Variants in GABRG3 observed in about 807,000 individuals in gnomAD.
GABRG3 encodes the protein gamma-aminobutyric acid receptor subunit gamma-3.
In GABRG3, 25 loss-of-function variants were observed where a neutral mutation model predicts 48.8. The ratio of observed to expected loss-of-function variants is 0.51; its 90% confidence interval spans 0.37 to 0.72. The LOEUF (loss-of-function observed/expected upper bound fraction) is 0.72, where lower values mean the gene tolerates loss of function less well. Ranked by LOEUF, GABRG3 falls within the 30% of genes least tolerant of loss-of-function variation. The probability of loss-of-function intolerance (pLI) is 0.00; values close to 1 mark genes in which losing one functional copy is unlikely to be tolerated. For synonymous variants in GABRG3, 227 were observed against 217.6 expected (o/e 1.04, Z -0.38); for missense variants, 394 against 577.9 (o/e 0.68, Z 3.26).
chr15:27,467,681 A>C (rs986077528), intron 5 of GABRG3, among the ~76,000 whole-genome samples: 5 of 152,200 alleles, frequency 3.3e-5, no homozygotes, highest in Non-Finnish European at 4.4e-5. Context: ...AGTGCAATGA[A>C]ACCTCATGTG....
chr15:27,227,506 T>TA lies in GABRG3; in HGVS notation c.271-99297dup, dbSNP rs544368053. On this transcript the variant is annotated intron_variant, in intron 3 of 9. Transcript: ENST00000615808. ...AGAGTGAGATTCTGTCTCAAAAAAATAAAAAATGTAATAAAATATATATTT... is the reference window on the plus strand; with the variant it reads ...AGAGTGAGATTCTGTCTCAAAAAAATAAAAAAATGTAATAAAATATATATTT... Among the ~76,000 whole-genome samples, 4 of 151,982 alleles carry TA rather than the reference T, an allele frequency of 2.6e-5. No homozygotes were observed. The South Asian group carries it at 8.3e-4, about 32-fold the overall frequency.
At chr15:27,513,307 A>G (rs928776137) in intron 6 of GABRG3, among the ~76,000 whole-genome samples, 1 of 151,964 alleles carries the variant, frequency 6.6e-6, no homozygotes, top group Non-Finnish European at 1.5e-5. Context: ...AACATTAGCC[A>G]GGCGTGGTGG....
chr15:27,501,197 C>T (rs931283193), intron 6 of GABRG3, among the ~76,000 whole-genome samples: 5 of 152,068 alleles, frequency 3.3e-5, no homozygotes, highest in African/African-American at 1.2e-4. Flanking sequence ...GTGATCTGCC[C>T]ACCTTGGCCT....
At chr15:27,242,288 C>A (rs1890150373) in intron 3 of GABRG3, among the ~76,000 whole-genome samples, 1 of 152,154 alleles carries the variant, frequency 6.6e-6, no homozygotes, top group Non-Finnish European at 1.5e-5. Flanking sequence ...TAAGAGTTCC[C>A]TTATAAGGAT....
chr15:27,488,130 C>A (rs748316684), intron 6 of GABRG3, among the ~76,000 whole-genome samples: 1 of 152,146 alleles, frequency 6.6e-6, no homozygotes, highest in Admixed American at 6.5e-5. Flanking sequence ...TCCTAGCAAG[C>A]GCTCATGCCA....
chr15:27,502,523 C>A (rs535874658), intron 6 of GABRG3, among the ~76,000 whole-genome samples: 45 of 152,244 alleles, frequency 3.0e-4, no homozygotes, highest in African/African-American at 1.1e-3. Flanking sequence ...GCAGGGGACA[C>A]CAGCTGGGTG....
At chr15:27,464,410 C>A (rs1889540940) in intron 5 of GABRG3, among the ~76,000 whole-genome samples, 1 of 152,146 alleles carries the variant, frequency 6.6e-6, no homozygotes, top group Non-Finnish European at 1.5e-5. Context: ...TGGGTTATTT[C>A]CACTTTTTGG....
At chr15:27,514,616 TTCAA>T (rs1566874990) in intron 6 of GABRG3, among the ~76,000 whole-genome samples, 1 of 152,202 alleles carries the variant, frequency 6.6e-6, no homozygotes, top group Admixed American at 6.5e-5. Context: ...TATAAAGAAA[TTCAA>T]TCAAGGGAGT....
At chr15:27,501,188 T>C (rs1248576977) in intron 6 of GABRG3, among the ~76,000 whole-genome samples, 3 of 152,126 alleles carry the variant, frequency 2.0e-5, no homozygotes, top group Admixed American at 6.5e-5. Flanking sequence ...CCTGACCTCG[T>C]GATCTGCCCA....
chr15:27,463,478 C>G (rs1889509791), intron 5 of GABRG3, among the ~76,000 whole-genome samples: 2 of 151,918 alleles, frequency 1.3e-5, no homozygotes, highest in African/African-American at 4.8e-5. Context: ...GGGCCAGAAG[C>G]AGATGACTGT....
intron 3 of GABRG3, among the ~76,000 whole-genome samples, chr15:27,256,440 C>CAAAA (rs532681313): frequency 1.6e-3 from 66 of 41,074 alleles, no homozygotes; most frequent in African/African-American, 4.3e-3. Flanking sequence ...GACTCCGTCT[C>CAAAA]AAAAAAAAAA....
chr15:27,302,405 A>T (rs1331117533), intron 3 of GABRG3, among the ~76,000 whole-genome samples: 1 of 152,078 alleles, frequency 6.6e-6, no homozygotes, highest in South Asian at 2.1e-4. Context: ...GTTACACTAC[A>T]TAATGAGAAA....
intron 3 of GABRG3, among the ~76,000 whole-genome samples, chr15:27,206,389 T>C (rs1052087746): frequency 6.6e-6 from 1 of 152,218 alleles, no homozygotes; most frequent in African/African-American, 2.4e-5. Context: ...TACTTATTTC[T>C]ATTTTTATTG....
At chr15:27,299,006 C>T (rs555148959) in intron 3 of GABRG3, among the ~76,000 whole-genome samples, 1 of 152,278 alleles carries the variant, frequency 6.6e-6, no homozygotes, top group East Asian at 1.9e-4. Context: ...TAAAACATGG[C>T]CACATGGTGG....
chr15:27,065,634 T>C (rs563155362), intron 3 of GABRG3, among the ~76,000 whole-genome samples: 3 of 152,306 alleles, frequency 2.0e-5, no homozygotes, highest in African/African-American at 7.2e-5. Context: ...TGATAAAAGA[T>C]GTGTAGCATA....
intron 5 of GABRG3, among the ~76,000 whole-genome samples, chr15:27,336,709 G>A (rs1048009316): frequency 1.1e-4 from 17 of 152,170 alleles, no homozygotes; most frequent in Non-Finnish European, 4.4e-5. Context: ...AAAAATCTAT[G>A]TATACATATT....
chr15:27,410,536 TATTTA>T (rs771738326), intron 5 of GABRG3, among the ~76,000 whole-genome samples: 2 of 152,196 alleles, frequency 1.3e-5, no homozygotes, highest in Non-Finnish European at 2.9e-5. Context: ...AAAAATTATA[TATTTA>T]ATTTGTGTAA....
chr15:27,065,587 G>A (rs1896724212), intron 3 of GABRG3, among the ~76,000 whole-genome samples: 1 of 152,174 alleles, frequency 6.6e-6, no homozygotes, highest in Non-Finnish European at 1.5e-5. Flanking sequence ...GAAATGTGGA[G>A]TCAACTCCAG....
At chr15:27,415,123 A>G (rs1480820607) in intron 5 of GABRG3, among the ~76,000 whole-genome samples, 1 of 152,194 alleles carries the variant, frequency 6.6e-6, no homozygotes, top group African/African-American at 2.4e-5. Context: ...ATAAGTATTA[A>G]AGATGTTGTC....
Sources: allele counts gnomAD v4.1 joint callset (sites outside exome capture counted in the v4.1 genomes callset), GRCh38; gene constraint gnomAD v4.1.1; transcripts MANE v1.5; gene names NCBI Gene and HGNC (gene_info 2026-07-23, HGNC 2026-07-21).